Variants in ULK2 observed in about 807,000 individuals in gnomAD.
The protein encoded by ULK2 is unc-51 like autophagy activating kinase 2, also known as serine/threonine-protein kinase ULK2.
In ULK2, 76 loss-of-function variants were observed where a neutral mutation model predicts 127.5. That is an observed-to-expected ratio of 0.60 (90% confidence interval 0.50 to 0.72). The LOEUF (loss-of-function observed/expected upper bound fraction) is 0.72. Ranked by LOEUF, ULK2 falls within the 30% of genes least tolerant of loss-of-function variation. The pLI is 0.00. For synonymous variants in ULK2, 452 were observed against 461.9 expected (o/e 0.98, Z 0.28); for missense variants, 1,144 against 1,295.9 (o/e 0.88, Z 1.80).
In ULK2 at chr17:19,847,213, T is replaced by C. The variant is rs554220122; in HGVS notation, c.296-303A>G. Among the ~76,000 whole-genome samples the C allele has an allele frequency of 4.6e-5, 7 of 151,982 alleles. No homozygotes were observed. The South Asian group carries it at 1.3e-3, about 27-fold the overall frequency. ...GGTGCCCACATGACTCTGAACACCA[T>C]ATGTACTCAATAAATATGAATGTCC... On this transcript the variant is annotated intron_variant, in intron 5 of 26. Transcript: ENST00000395544.
Position 19,838,589 on chromosome 17 carries a change from G to A in ULK2, c.705-6C>T. The A allele has an allele frequency of 2.5e-6, 4 of 1,610,222 alleles. No individual in the cohort carries two copies. Among genetic ancestry groups the A allele is most frequent in the Non-Finnish European group, 3.4e-6 (4 of 1,178,812 alleles). ...GTGATGTTTCTCTGGGAATACTGGG[G>A]GAAAGGAAAAACACAACCACCTAAG... On this transcript the variant is annotated splice_polypyrimidine_tract_variant and splice_region_variant and intron_variant, in intron 9 of 26. Coordinates refer to ENST00000395544, the MANE Select transcript of ULK2 (RefSeq NM_014683.4).
intron 17 of ULK2, among the ~76,000 whole-genome samples, chr17:19,798,579 T>C (rs1265057539): frequency 1.3e-5 from 2 of 152,232 alleles, no homozygotes; most frequent in Non-Finnish European, 2.9e-5. Context: ...TCTGGCTTCA[T>C]CTCTTTCCAA....
intron 4 of ULK2, among the ~76,000 whole-genome samples, 156 bp downstream of exon 4, chr17:19,849,586 T>C (rs2041968242): frequency 6.6e-6 from 1 of 151,852 alleles, no homozygotes; most frequent in African/African-American, 2.4e-5. Context: ...GATCACTGAA[T>C]CAACTTTATT....
intron 12 of ULK2, among the ~76,000 whole-genome samples, chr17:19,819,245 T>G (rs2041076141): frequency 6.6e-6 from 1 of 152,210 alleles, no homozygotes; most frequent in Non-Finnish European, 1.5e-5. Flanking sequence ...CAGCAAGTAT[T>G]TCCCGTACTC....
chr17:19,816,950 G>A, intron 12 of ULK2, 30 bp from the exon 13 acceptor site: 4 of 1,575,018 alleles, frequency 2.5e-6, no homozygotes, highest in Non-Finnish European at 2.6e-6. Flanking sequence ...ATTAAAACTG[G>A]TCTAATAATC....
Position 19,825,908 on chromosome 17 carries a change from C to G in ULK2, c.835+231G>C, listed in dbSNP as rs576430557. 4.6e-5 allele frequency among the ~76,000 whole-genome samples: 7 copies of G among 150,886 alleles called. No homozygotes were observed. In the South Asian group the frequency reaches 1.5e-3, roughly 32 times the overall value. ...GGCTGAGGCAGGAGAATGGCTTGAA[C>G]CCGGGAGGTGGAGGTTGCTGTGAGC... On this transcript the variant is annotated intron_variant, in intron 11 of 26. Coordinates refer to ENST00000395544, the MANE Select transcript of ULK2 (RefSeq NM_014683.4).
At chr17:19,782,655 C>T (rs1273228401) in intron 22 of ULK2, among the ~76,000 whole-genome samples, 1 of 152,214 alleles carries the variant, frequency 6.6e-6, no homozygotes, top group Non-Finnish European at 1.5e-5. Context: ...GTGGCTCATG[C>T]CTGTAATCCA....
chr17:19,794,414 G>A (rs540231756), intron 20 of ULK2, among the ~76,000 whole-genome samples: 5 of 151,978 alleles, frequency 3.3e-5, no homozygotes, highest in East Asian at 3.9e-4. Context: ...ACAAAACCAC[G>A]GACCTAGGAA....
chr17:19,818,152 C>G (rs2041040260), intron 12 of ULK2, among the ~76,000 whole-genome samples: 1 of 151,952 alleles, frequency 6.6e-6, no homozygotes, highest in Admixed American at 6.6e-5. Context: ...GAAACCCCGT[C>G]TCTACTAAAA....
chr17:19,787,721 C>T (rs1404289304), intron 20 of ULK2, among the ~76,000 whole-genome samples: 1 of 152,198 alleles, frequency 6.6e-6, no homozygotes, highest in East Asian at 1.9e-4. Context: ...CAAAAATTTG[C>T]ACACAATAAA....
At chr17:19,848,205 T>A (rs1417239165) in intron 5 of ULK2, 2 of 152,210 alleles carry the variant, frequency 1.3e-5, no homozygotes, top group Non-Finnish European at 2.9e-5. Context: ...GTAGCAGGTA[T>A]GCAAATACTT....
chr17:19,816,675 T>C (rs1435605298), intron 13 of ULK2, 74 bp downstream of exon 13: 2 of 1,370,658 alleles, frequency 1.5e-6, no homozygotes, highest in East Asian at 2.6e-5. Flanking sequence ...GAAAGTGTAA[T>C]ATATGGGTTA....
intron 3 of ULK2, among the ~76,000 whole-genome samples, chr17:19,863,207 CT>C (rs1277362263): frequency 6.7e-6 from 1 of 150,340 alleles, no homozygotes; most frequent in Admixed American, 6.6e-5. Context: ...AAGAGTGAGA[CT>C]GTCTCCAAAA....
At position 19,851,443 on chromosome 17, in the gene ULK2, G is replaced by A. The variant is rs535880605; in HGVS notation, c.226-1669C>T. ...ACCTGAGGTCTGGAGTTCAAGACCCGCCTGGCCAACATGGTGAAACCCCAT... is the reference window on the plus strand; with the variant it reads ...ACCTGAGGTCTGGAGTTCAAGACCCACCTGGCCAACATGGTGAAACCCCAT... On this transcript the variant is annotated intron_variant, in intron 3 of 26. Transcript: ENST00000395544. 1.9e-4 allele frequency among the ~76,000 whole-genome samples: 29 copies of A among 150,542 alleles called. No individual in the cohort carries two copies. In the South Asian group the frequency reaches 4.2e-3, roughly 22 times the overall value.
chr17:19,843,644 C>CTCCAAAAT (rs2041816529), intron 7 of ULK2, among the ~76,000 whole-genome samples: 1 of 150,830 alleles, frequency 6.6e-6, no homozygotes, highest in African/African-American at 2.4e-5. Context: ...CTTGGGCTGT[C>CTCCAAAAT]TCCAAAATAT....
In ULK2 at chr17:19,789,920, A is replaced by C. The variant is rs560488590; in HGVS notation, c.2102-3834T>G. Among the ~76,000 whole-genome samples the C allele has an allele frequency of 7.7e-3, 1,168 of 151,880 alleles. 12 individuals are homozygous for C. Among genetic ancestry groups the C allele is most frequent in the African/African-American group, 0.026 (1,091 of 41,474 alleles). ...TCTAAAAAAAGCTGCCAAAAAAAAAAAAAAACAAAAACTAAGGGTTATTGG... is the reference window on the plus strand; with the variant it reads ...TCTAAAAAAAGCTGCCAAAAAAAAACAAAAACAAAAACTAAGGGTTATTGG... On this transcript the variant is annotated intron_variant, in intron 20 of 26. Coordinates refer to ENST00000395544, the MANE Select transcript of ULK2 (RefSeq NM_014683.4).
At position 19,865,477 on chromosome 17, in the gene ULK2, AAAC is replaced by A. The variant is rs575956868; in HGVS notation, c.183+256_183+258del. Among the ~76,000 whole-genome samples, 46 of 152,300 alleles carry A rather than the reference AAAC, an allele frequency of 3.0e-4. 1 individual carries two copies. In the South Asian group the frequency reaches 8.7e-3, roughly 29 times the overall value. On this transcript the variant is annotated intron_variant, in intron 2 of 26. Transcript: ENST00000395544. ...GATGGGTCTGCCTGGCCCTCTTCTC[AAAC>A]AACAACACAGTCACTAGGAAAAAGA...
At chr17:19,821,469 G>C (rs2152391667) in intron 12 of ULK2, among the ~76,000 whole-genome samples, 1 of 152,100 alleles carries the variant, frequency 6.6e-6, no homozygotes. Flanking sequence ...ATAGCAGCTA[G>C]ATATTTACAT....
intron 22 of ULK2, among the ~76,000 whole-genome samples, chr17:19,783,204 G>A (rs572142949): frequency 1.1e-4 from 17 of 152,220 alleles, no homozygotes; most frequent in African/African-American, 3.4e-4. Context: ...TGTAATCCTA[G>A]CACTTTGGGA....
Sources: allele counts gnomAD v4.1 joint callset (sites outside exome capture counted in the v4.1 genomes callset), GRCh38; gene constraint gnomAD v4.1.1; transcripts MANE v1.5; gene names NCBI Gene and HGNC (gene_info 2026-07-23, HGNC 2026-07-21).